The following ACACB variants were observed in gnomAD, a reference collection of about 807,000 sequenced individuals.
ACACB encodes the protein acetyl-CoA carboxylase 2.
In ACACB, 209 loss-of-function variants were observed where a neutral mutation model predicts 278.8. The ratio of observed to expected loss-of-function variants is 0.75; its 90% CI spans 0.67 to 0.84. The LOEUF is 0.84. ACACB is among the 40% of genes least tolerant of loss of function. The probability of loss-of-function intolerance (pLI) is 0.00; values close to 1 mark genes in which losing one functional copy is unlikely to be tolerated. For synonymous variants in ACACB, 1,174 were observed against 1,285.6 expected, an observed-to-expected ratio of 0.91 and a Z score of 1.86; for missense variants, 2,850 against 3,269.0, an observed-to-expected ratio of 0.87 and a Z score of 3.13.
chr12:109,172,657 T>C (rs1200747641), intron 6 of ACACB, among the ~76,000 whole-genome samples: 4 of 152,224 alleles, frequency 2.6e-5, no homozygotes, highest in Non-Finnish European at 5.9e-5. Context: ...CAGAGTGAGA[T>C]ACCATTTCTT....
At chr12:109,258,173 A>G in intron 45 of ACACB, 95 bp from the exon 46 acceptor site, 1 of 799,540 alleles carries the variant, frequency 1.3e-6, no homozygotes. Context: ...TAAAAAGAGC[A>G]TTCTCCTCCA....
chr12:109,143,379 C>T (rs2043165264), intron 2 of ACACB, among the ~76,000 whole-genome samples: 1 of 148,624 alleles, frequency 6.7e-6, no homozygotes, highest in African/African-American at 2.5e-5. Context: ...GGGAGAATCA[C>T]TTAAGCCCAG....
rs1172849779 is a variant in ACACB, at chr12:109,233,988, A to G, written c.4290A>G (p.Ala1430=). The part of the protein sequence containing the change: ...IHILNVSIQC[A]DHLEDEALVP... ...TTCTGAATGTGTCCATCCAGTGTGC[A>G]GACCACCTGGAGGATGAGGCACTGG... The change falls in exon 31 of 53, where the codon GCA becomes GCG. Residue 1430 remains alanine, a synonymous_variant. Transcript: ENST00000338432. 1.2e-6 allele frequency: 2 copies of G among 1,614,150 alleles called. No homozygotes were observed. Among genetic ancestry groups the G allele is most frequent in the South Asian group, 1.1e-5 (1 of 91,064 alleles).
chr12:109,130,918 C>A (rs2042808320), intron 1 of ACACB, among the ~76,000 whole-genome samples: 1 of 152,178 alleles, frequency 6.6e-6, no homozygotes, highest in Non-Finnish European at 1.5e-5. Flanking sequence ...ACCCTCCCTT[C>A]TGGACAGGCG....
At chr12:109,124,690 TTTG>T (rs376367927) in intron 1 of ACACB, among the ~76,000 whole-genome samples, 39 of 152,120 alleles carry the variant, frequency 2.6e-4, no homozygotes, top group African/African-American at 4.8e-4. Context: ...CTTGTTGTTT[TTTG>T]TTGTTGTTGT....
chr12:109,259,002 C>T lies in ACACB; in HGVS notation c.6390C>T (p.Phe2130=), dbSNP rs373328609. 1 of 1,614,172 alleles carries T rather than the reference C, an allele frequency of 6.2e-7. No homozygotes were observed. Among genetic ancestry groups the T allele is most frequent in the Non-Finnish European group, 8.5e-7 (1 of 1,180,018 alleles). The change falls in exon 47 of 53, where the codon TTC becomes TTT. Residue 2130 remains phenylalanine (F), a synonymous_variant. Coordinates refer to ENST00000338432, the MANE Select transcript of ACACB (RefSeq NM_001093.4). ...TTCAGCAGGCAGGACAGGTGTGGTT[C>T]CCAGACTCAGCCTACAAAACCGCCC... ...KIIQQAGQVW[F]PDSAYKTAQA...
chr12:109,181,386 C>T (rs751563576), intron 11 of ACACB, among the ~76,000 whole-genome samples: 1 of 152,034 alleles, frequency 6.6e-6, no homozygotes, highest in Non-Finnish European at 1.5e-5. Flanking sequence ...CACTACTATG[C>T]CCAGCTAATT....
In ACACB at chr12:109,237,243, G is replaced by T. The variant is rs146231935; in HGVS notation, c.4525G>T (p.Asp1509Tyr). 2 of 1,614,170 alleles carry T rather than the reference G, an allele frequency of 1.2e-6. No homozygotes were observed. Among genetic ancestry groups the T allele is most frequent in the Non-Finnish European group, 1.7e-6 (2 of 1,180,026 alleles). Residue 1509 changes from aspartate (D) to tyrosine (Y), a missense_variant, in exon 34 of 53, where the codon GAT becomes TAT. Asp to Tyr is a radical substitution (Grantham distance 160). Coordinates refer to ENST00000338432, the MANE Select transcript of ACACB (RefSeq NM_001093.4). ...QLELNRMRNF[D>Y]LTAVPCANHK... ...GGAACTTAACCGGATGCGTAACTTC[G>T]ATCTGACCGCCGTGCCCTGTGCCAA...
rs61731614 is a variant in ACACB, at chr12:109,259,023, C to T, written c.6411C>T (p.Thr2137=). 8.5e-4 allele frequency: 1,378 copies of T among 1,614,108 alleles called. 13 individuals are homozygous for T. The African/African-American group carries it at 0.015, about 18-fold the overall frequency. ...QVWFPDSAYK[T]AQAVKDFNRE... ...GGTTCCCAGACTCAGCCTACAAAAC[C>T]GCCCAGGCCGTCAAGGACTTCAACC... The change falls in exon 47 of 53, where the codon ACC becomes ACT. Residue 2137 remains threonine, a synonymous_variant. Coordinates refer to ENST00000338432, the MANE Select transcript of ACACB (RefSeq NM_001093.4).
chr12:109,216,560 A>C, intron 22 of ACACB, 58 bp from the exon 23 acceptor site: 1 of 1,524,250 alleles, frequency 6.6e-7, no homozygotes, highest in Non-Finnish European at 9.1e-7. Context: ...AAAATACTAA[A>C]TATTCAGGTA....
chr12:109,133,258 C>G (rs541393096), intron 1 of ACACB, among the ~76,000 whole-genome samples: 1 of 151,932 alleles, frequency 6.6e-6, no homozygotes, highest in Non-Finnish European at 1.5e-5. Flanking sequence ...CTCTCTCTCT[C>G]TCTCTCTCGT....
intron 17 of ACACB, among the ~76,000 whole-genome samples, chr12:109,197,986 C>T (rs772110166): frequency 6.6e-6 from 1 of 152,102 alleles, no homozygotes; most frequent in Non-Finnish European, 1.5e-5. Context: ...CCTCAACTTC[C>T]CTGGGCTCCG....
chr12:109,179,030 A>T (rs568967691), intron 9 of ACACB, 58 bp from the exon 10 acceptor site: 3 of 1,533,532 alleles, frequency 2.0e-6, no homozygotes, highest in African/African-American at 2.7e-5. Context: ...GAGAACTTCC[A>T]GAAGCTTCCA....
intron 11 of ACACB, among the ~76,000 whole-genome samples, chr12:109,181,945 A>G (rs1225551392): frequency 7.1e-6 from 1 of 141,488 alleles, no homozygotes; most frequent in Non-Finnish European, 1.5e-5. Flanking sequence ...CACGGTTCGA[A>G]CAATTCTCCT....
chr12:109,246,158 G>A (rs745466371), intron 38 of ACACB, 21 bp from the exon 39 acceptor site: 2 of 1,595,126 alleles, frequency 1.3e-6, no homozygotes, highest in East Asian at 4.5e-5. Flanking sequence ...CATTTTCCTT[G>A]TGCATTCATC....
intron 24 of ACACB, among the ~76,000 whole-genome samples, chr12:109,217,591 G>T (rs1414415740): frequency 1.3e-5 from 2 of 152,028 alleles, no homozygotes; most frequent in African/African-American, 4.8e-5. Flanking sequence ...TCGAGGCCAG[G>T]AGTTTGAGAC....
At chr12:109,228,778 G>A (rs569270997) in intron 28 of ACACB, among the ~76,000 whole-genome samples, 91 of 152,172 alleles carry the variant, frequency 6.0e-4, no homozygotes, top group African/African-American at 2.1e-3. Flanking sequence ...AGTAGACAAT[G>A]CCACCCAAGC....
At chr12:109,222,971 G>T in intron 26 of ACACB, 59 bp downstream of exon 26, 6 of 1,385,030 alleles carry the variant, frequency 4.3e-6, no homozygotes, top group Non-Finnish European at 6.0e-6. Context: ...CCAGGTGGGG[G>T]CCTCTGGGGA....
At position 109,139,818 on chromosome 12, in the gene ACACB, G is replaced by C. The variant is rs760897574; in HGVS notation, c.413G>C (p.Arg138Thr). 6.2e-7 allele frequency: 1 copy of C among 1,614,192 alleles called. No homozygotes were observed. The highest frequency in any genetic ancestry group is 8.5e-7 in the Non-Finnish European group (1 of 1,180,014). The change falls in exon 2 of 53, where the codon AGG becomes ACG. Residue 138 changes from arginine to threonine, a missense_variant. Coordinates refer to ENST00000338432, the MANE Select transcript of ACACB (RefSeq NM_001093.4). ...TDTNGLSSSARPQGQQAGSPS... is the reference protein window; with the variant it reads ...TDTNGLSSSATPQGQQAGSPS... ...ACCAATGGCCTGTCCTCCTCAGCCA[G>C]GCCCCAGGGCCAGCAAGCTGGCTCC...
Sources: allele counts gnomAD v4.1 joint callset (sites outside exome capture counted in the v4.1 genomes callset), GRCh38; gene constraint gnomAD v4.1.1; transcripts MANE v1.5; gene names NCBI Gene and HGNC (gene_info 2026-07-23, HGNC 2026-07-21).